The following GRAMD4 variants were observed in gnomAD, a reference collection of about 807,000 sequenced individuals.
GRAMD4 encodes the protein GRAM domain containing 4.
A neutral mutation model predicts 83.9 loss-of-function variants in GRAMD4; 25 were observed. That is an observed-to-expected ratio of 0.30 (90% CI 0.22 to 0.42). The LOEUF is 0.42. Ranked by LOEUF, GRAMD4 falls within the 10% of genes least tolerant of loss-of-function variation. GRAMD4 has a pLI of 1.00. For missense variants in GRAMD4, 593 were observed against 788.7 expected, an observed-to-expected ratio of 0.75 and a Z score of 2.97; for synonymous variants, 336 against 320.9, an observed-to-expected ratio of 1.05 and a Z score of -0.50.
chr22:46,584,672 G>T (rs1416065392), intron 1 of GRAMD4, among the ~76,000 whole-genome samples: 1 of 152,156 alleles, frequency 6.6e-6, no homozygotes, highest in African/African-American at 2.4e-5. Context: ...CCGCAGCATG[G>T]CTGGCTGGGG....
downstream of GRAMD4, among the ~76,000 whole-genome samples, chr22:46,680,577 T>TCCACCTACCCAC (rs1569313349): frequency 2.0e-4 from 3 of 15,254 alleles, no homozygotes; most frequent in Non-Finnish European, 3.1e-4. Flanking sequence ...CATCCATCCA[T>TCCACCTACCCAC]CCATCCATCC....
chr22:46,619,829 C>A (rs1289213303), upstream of GRAMD4, among the ~76,000 whole-genome samples: 1 of 152,098 alleles, frequency 6.6e-6, no homozygotes, highest in Non-Finnish European at 1.5e-5. Flanking sequence ...GGGGCTGGGG[C>A]CCACTGCAGT....
chr22:46,653,023 G>T (rs951975784), intron 3 of GRAMD4, among the ~76,000 whole-genome samples: 1 of 152,198 alleles, frequency 6.6e-6, no homozygotes, highest in Non-Finnish European at 1.5e-5. Context: ...GCTTGGCCTT[G>T]CAGGGAGCCG....
At chr22:46,680,580 A>G (rs1479717528), downstream of GRAMD4, among the ~76,000 whole-genome samples, 338 of 137,266 alleles carry the variant, frequency 2.5e-3, 8 homozygotes, top group African/African-American at 4.0e-3. Context: ...CCATCCATCC[A>G]TCCATCCATC....
chr22:46,643,098 TCCATCCA>T (rs2082000393), intron 3 of GRAMD4, among the ~76,000 whole-genome samples: 1 of 151,140 alleles, frequency 6.6e-6, no homozygotes, highest in Admixed American at 6.6e-5. Context: ...CATCCATCCA[TCCATCCA>T]TCCATCCATC....
At chr22:46,631,940 C>T (rs1049976409) in intron 2 of GRAMD4, among the ~76,000 whole-genome samples, 1 of 140,530 alleles carries the variant, frequency 7.1e-6, no homozygotes. Context: ...TCCTGGGGAC[C>T]GGGGATGGGT....
Position 46,666,681 on chromosome 22 carries a change from G to T in GRAMD4, c.810-144G>T, listed in dbSNP as rs1450045519. The T allele has an allele frequency of 1.3e-5, 9 of 693,652 alleles. No individual in the cohort carries two copies. In the Admixed American group the frequency reaches 1.9e-4, roughly 15 times the overall value. The allele number at this position is 693,652 out of a possible 1,614,324, so 43.0% of individuals were successfully genotyped here. Reference sequence around the variant, plus strand: ...CTCTCACAGCAGGGGGTTCCGGAGGGACCTTTTCTCCCCATTGGGCAGCAT... The same window carrying T: ...CTCTCACAGCAGGGGGTTCCGGAGGTACCTTTTCTCCCCATTGGGCAGCAT... On this transcript the variant is annotated intron_variant, in intron 9 of 18. Coordinates refer to ENST00000406902, the MANE Select transcript of GRAMD4 (RefSeq NM_015124.5).
chr22:46,637,116 C>CA (rs1262259376), intron 2 of GRAMD4, among the ~76,000 whole-genome samples: 4 of 152,264 alleles, frequency 2.6e-5, no homozygotes, highest in Non-Finnish European at 5.9e-5. Context: ...CCGCAGCCTC[C>CA]ACTGAGGTGT....
In GRAMD4 at chr22:46,674,857, G is replaced by A. The variant is rs909027208; in HGVS notation, c.1478+107G>A. On this transcript the variant is annotated intron_variant, in intron 16 of 18. Coordinates refer to ENST00000406902, the MANE Select transcript of GRAMD4 (RefSeq NM_015124.5). ...CCCAGTGCAGGTTTTCCTGAGTGGT[G>A]GCCATGGCCTCTCCCATGCTCTGCT... 2.8e-5 allele frequency: 22 copies of A among 786,502 alleles called. No individual in the cohort carries two copies. The African/African-American group carries it at 3.2e-4, about 11-fold the overall frequency. 48.7% of individuals were successfully genotyped at this position (786,502 alleles called of 1,614,324 possible).
intron 1 of GRAMD4, among the ~76,000 whole-genome samples, chr22:46,597,760 A>G (rs1428151759): frequency 6.6e-6 from 1 of 152,208 alleles, no homozygotes; most frequent in East Asian, 1.9e-4. Flanking sequence ...AAGTGCTGGG[A>G]TTACAGGCAT....
At chr22:46,612,356 T>G (rs960571737) in intron 1 of GRAMD4, among the ~76,000 whole-genome samples, 2 of 152,206 alleles carry the variant, frequency 1.3e-5, no homozygotes, top group Non-Finnish European at 2.9e-5. Flanking sequence ...TGACCATGGA[T>G]GCTGTGCTGT....
intron 1 of GRAMD4, among the ~76,000 whole-genome samples, chr22:46,626,203 G>A (rs1160551604): frequency 6.6e-6 from 1 of 152,238 alleles, no homozygotes; most frequent in African/African-American, 2.4e-5. Context: ...AGAATCAACC[G>A]AGGCATCCCT....
chr22:46,664,496 T>C (rs2542033), intron 8 of GRAMD4, among the ~76,000 whole-genome samples: 67,830 of 151,994 alleles, frequency 0.45, 15,434 homozygotes, highest in Middle Eastern at 0.53. Flanking sequence ...TCCAAGGGCA[T>C]GGCAGCACGA....
In GRAMD4 at chr22:46,677,700, G is replaced by T; in HGVS notation, c.*449G>T. On this transcript the variant is annotated 3_prime_UTR_variant, in exon 19 of 19. Transcript: ENST00000406902. ...TGAAGAGTGCGGGGCCCTTCCTCCT[G>T]GGGACAGAAAGATGTCGTCAAGGAG... is the stretch of plus-strand genomic sequence containing the variant. 1 of 986,894 alleles carries T rather than the reference G, an allele frequency of 1.0e-6. No homozygotes were observed. Among genetic ancestry groups the T allele is most frequent in the South Asian group, 4.7e-5 (1 of 21,324 alleles). 61.1% of individuals were successfully genotyped at this position (986,894 alleles called of 1,614,324 possible). A position where few individuals can be genotyped will look rare whatever the true frequency, so the allele number is the denominator to read the frequency against.
chr22:46,607,855 T>G (rs1224296930), intron 1 of GRAMD4, among the ~76,000 whole-genome samples: 1 of 152,198 alleles, frequency 6.6e-6, no homozygotes, highest in African/African-American at 2.4e-5. Context: ...GTGCCCTTCC[T>G]CTGCAGCCTG....
At chr22:46,667,150 A>G (rs2147372354) in intron 10 of GRAMD4, among the ~76,000 whole-genome samples, 1 of 152,344 alleles carries the variant, frequency 6.6e-6, no homozygotes, top group South Asian at 2.1e-4. Flanking sequence ...AGGATGTGGT[A>G]TGGCAGGGGT....
At chr22:46,646,407 C>T (rs1468887805) in intron 3 of GRAMD4, among the ~76,000 whole-genome samples, 1 of 152,200 alleles carries the variant, frequency 6.6e-6, no homozygotes, top group Non-Finnish European at 1.5e-5. Context: ...GAGGGGCTGG[C>T]CATCTGCTTC....
intron 1 of GRAMD4, among the ~76,000 whole-genome samples, chr22:46,601,984 C>T (rs2081316067): frequency 6.6e-6 from 1 of 152,154 alleles, no homozygotes; most frequent in African/African-American, 2.4e-5. Flanking sequence ...GCTTCTTTGT[C>T]TTTTTTCTCC....
At chr22:46,667,636 C>T (rs917350869) in intron 10 of GRAMD4, among the ~76,000 whole-genome samples, 1 of 152,250 alleles carries the variant, frequency 6.6e-6, no homozygotes, top group Non-Finnish European at 1.5e-5. Flanking sequence ...ATCTCAGTGC[C>T]TGTTTCTTGC....
Sources: allele counts gnomAD v4.1 joint callset (sites outside exome capture counted in the v4.1 genomes callset), GRCh38; gene constraint gnomAD v4.1.1; transcripts MANE v1.5; gene names NCBI Gene and HGNC (gene_info 2026-07-23, HGNC 2026-07-21).